The following TUBGCP3 variants were observed in gnomAD, a reference collection of about 807,000 sequenced individuals.
TUBGCP3 encodes tubulin gamma complex component 3.
Under a neutral mutation model 123.1 loss-of-function variants are expected in TUBGCP3, and 50 were observed. The observed-to-expected ratio is 0.41, with a 90% confidence interval of 0.32 to 0.51. The LOEUF (loss-of-function observed/expected upper bound fraction) is 0.51. Ranked by LOEUF, TUBGCP3 falls within the 20% of genes least tolerant of loss-of-function variation. The pLI is 0.36. For synonymous variants in TUBGCP3, 405 were observed against 413.9 expected (o/e 0.98, Z 0.26); for missense variants, 882 against 1,127.0 (o/e 0.78, Z 3.11).
At chr13:112,491,092 C>T (rs75922213) in intron 20 of TUBGCP3, among the ~76,000 whole-genome samples, 2,440 of 152,286 alleles carry the variant, frequency 0.016, 77 homozygotes, top group African/African-American at 0.055. Flanking sequence ...ACTCCTTGGC[C>T]CCCCAAAAGG....
chr13:112,512,840 A>T (rs1170854495), intron 17 of TUBGCP3, among the ~76,000 whole-genome samples: 4 of 152,204 alleles, frequency 2.6e-5, no homozygotes, highest in Non-Finnish European at 4.4e-5. Flanking sequence ...AAGCTGTCTA[A>T]ACATTAATTT....
At chr13:112,547,597 C>G in intron 10 of TUBGCP3, 23 bp downstream of exon 10, 1 of 1,465,772 alleles carries the variant, frequency 6.8e-7, no homozygotes, top group South Asian at 1.4e-5. Context: ...GAAAGACGTG[C>G]GTGGGAAAGA....
At chr13:112,510,432 C>T (rs1259744445) in intron 17 of TUBGCP3, among the ~76,000 whole-genome samples, 2 of 152,142 alleles carry the variant, frequency 1.3e-5, no homozygotes, top group Non-Finnish European at 2.9e-5. Context: ...TTAAAAGTGA[C>T]CTTATCAAAG....
intron 5 of TUBGCP3, among the ~76,000 whole-genome samples, chr13:112,557,824 T>A (rs1594197213): frequency 6.6e-6 from 1 of 152,300 alleles, no homozygotes; most frequent in East Asian, 1.9e-4. Context: ...AAGAATCCAA[T>A]GAGGAGAAAA....
At chr13:112,548,254 C>T (rs1281686716) in intron 8 of TUBGCP3, 78 bp from the exon 9 acceptor site, 4 of 1,162,900 alleles carry the variant, frequency 3.4e-6, no homozygotes, top group East Asian at 4.9e-5. Flanking sequence ...AGGTATAATG[C>T]GTTTAGATAA....
At chr13:112,523,042 G>A (rs916681543) in intron 13 of TUBGCP3, among the ~76,000 whole-genome samples, 10 of 152,166 alleles carry the variant, frequency 6.6e-5, no homozygotes, top group Non-Finnish European at 1.0e-4. Context: ...GTAACATAGC[G>A]GAAGAAAGCA....
rs1876145537 is a variant in TUBGCP3, at chr13:112,516,518, C to T, written c.2008G>A (p.Ala670Thr). The part of the protein sequence containing the change: ...YLRVFNFLWR[A>T]KRMEYILTDI... ...GTGAGGATGTATTCCATCCGCTTCG[C>T]CCTCCAGAGGAAGTTAAATACTCTT... The change falls in exon 17 of 22, where the codon GCG becomes ACG. Residue 670 changes from alanine (A) to threonine (T), a missense_variant. By Grantham distance (58) the Ala-to-Thr change is moderately conservative (BLOSUM62 0). Around this residue, in one of 3 missense-constraint regions of TUBGCP3, gnomAD observed 713 missense variants for 874.0 expected, o/e 0.82. Coordinates refer to ENST00000261965, the MANE Select transcript of TUBGCP3 (RefSeq NM_006322.6). 6.2e-7 allele frequency: 1 copy of T among 1,614,124 alleles called. No individual in the cohort carries two copies. The highest frequency in any genetic ancestry group is 8.5e-7 in the Non-Finnish European group (1 of 1,180,032).
chr13:112,558,083 G>T, intron 5 of TUBGCP3, 113 bp downstream of exon 5: 1 of 1,171,950 alleles, frequency 8.5e-7, no homozygotes, highest in Non-Finnish European at 1.2e-6. Context: ...ACACTGTCTG[G>T]CACGTATGAG....
chr13:112,487,045 C>T (rs1377877187), intron 21 of TUBGCP3, among the ~76,000 whole-genome samples: 1 of 137,560 alleles, frequency 7.3e-6, no homozygotes, highest in African/African-American at 2.8e-5. Flanking sequence ...AGCAGGCAAA[C>T]ACTGTGTATG....
chr13:112,560,377 C>A (rs59090786), intron 3 of TUBGCP3, among the ~76,000 whole-genome samples: 2,913 of 151,072 alleles, frequency 0.019, 101 homozygotes, highest in African/African-American at 0.067. Flanking sequence ...TTGCAGTGAG[C>A]CGAGATCCCG....
Position 112,527,502 on chromosome 13 carries a change from T to C in TUBGCP3, c.1336-18A>G. On this transcript the variant is annotated intron_variant, in intron 11 of 21. Coordinates refer to ENST00000261965, the MANE Select transcript of TUBGCP3 (RefSeq NM_006322.6). ...ACAAAAAACTGAAAGCAAAGGGGCA[T>C]GGAAATGTTCAAGAGTGATATTTAT... The C allele has an allele frequency of 3.2e-6, 5 of 1,560,672 alleles. No individual in the cohort carries two copies. Among genetic ancestry groups the C allele is most frequent in the Non-Finnish European group, 4.4e-6 (5 of 1,131,938 alleles).
At position 112,504,180 on chromosome 13, in the gene TUBGCP3, T is replaced by C. The variant is rs201106975; in HGVS notation, c.2176-17A>G. 21 of 1,614,032 alleles carry C rather than the reference T, an allele frequency of 1.3e-5. No individual in the cohort carries two copies. In the East Asian group the frequency reaches 4.5e-4, roughly 34 times the overall value. On this transcript the variant is annotated splice_polypyrimidine_tract_variant and intron_variant, in intron 18 of 21. Transcript: ENST00000261965. ...TTCAAGCACCTGGGAAACAACAATTTAAAGACGCTAGATAAGCTCATGTCC... is the reference window on the plus strand; with the variant it reads ...TTCAAGCACCTGGGAAACAACAATTCAAAGACGCTAGATAAGCTCATGTCC...
chr13:112,582,871 A>G (rs1882371120), intron 1 of TUBGCP3, among the ~76,000 whole-genome samples: 2 of 152,340 alleles, frequency 1.3e-5, no homozygotes, highest in Admixed American at 6.5e-5. Flanking sequence ...CTGCCTGACC[A>G]GAGAGCAGTG....
In TUBGCP3 at chr13:112,489,640, A is replaced by G; in HGVS notation, c.2506T>C (p.Phe836Leu). ...EEEENKRIGE[F>L]KESIPKMCSQ... is the part of the protein sequence containing the mutation. ...CACATTTTTGGTATAGATTCTTTAA[A>G]TTCTCCAATCCTCTTATTTTCCTCC... Residue 836 changes from phenylalanine to leucine, a missense_variant, in exon 21 of 22, where the codon TTT becomes CTT. Phe to Leu is a conservative substitution (Grantham distance 22). Around this residue, in one of 3 missense-constraint regions of TUBGCP3, gnomAD observed 160 missense variants for 220.3 expected, o/e 0.73. Coordinates refer to ENST00000261965, the MANE Select transcript of TUBGCP3 (RefSeq NM_006322.6). 2 of 1,614,162 alleles carry G rather than the reference A, an allele frequency of 1.2e-6. No homozygotes were observed. Among genetic ancestry groups the G allele is most frequent in the Non-Finnish European group, 1.7e-6 (2 of 1,180,036 alleles).
rs956205053 is a variant in TUBGCP3 at position 112,558,338 on chromosome 13, G to A, written c.406C>T (p.Pro136Ser). Residue 136 changes from proline to serine, a missense_variant, in exon 5 of 22, where the codon CCT becomes TCT. Around this residue, in one of 3 missense-constraint regions of TUBGCP3, gnomAD observed 713 missense variants for 874.0 expected, o/e 0.82. Coordinates refer to ENST00000261965, the MANE Select transcript of TUBGCP3 (RefSeq NM_006322.6). ...AHSTPYYYAR[P>S]QTLPLSYQDR... ...TGGTAGCTCAGGGGAAGGGTCTGAG[G>A]CCTGGCATAGTAGTAAGGGGTTGAG... 1.2e-6 allele frequency: 2 copies of A among 1,613,798 alleles called. No homozygotes were observed. Among genetic ancestry groups the A allele is most frequent in the Non-Finnish European group, 1.7e-6 (2 of 1,179,726 alleles).
At chr13:112,566,293 G>C (rs540651932) in intron 2 of TUBGCP3, among the ~76,000 whole-genome samples, 2 of 152,224 alleles carry the variant, frequency 1.3e-5, no homozygotes, top group East Asian at 1.9e-4. Context: ...ACTTTCAAAG[G>C]CTAACTTATA....
chr13:112,545,569 G>A lies in TUBGCP3; in HGVS notation c.1335+130C>T, dbSNP rs1462664847. ...TCGAGGCACTGTGTAAAATGTATAT[G>A]GTATTCAATGGAAGTGCAGTTGCAT... On this transcript the variant is annotated intron_variant, in intron 11 of 21. Coordinates refer to ENST00000261965, the MANE Select transcript of TUBGCP3 (RefSeq NM_006322.6). The surrounding 1 kb of genome is among the most constrained non-coding windows in gnomAD (Gnocchi z 4.1). 2.0e-6 allele frequency: 2 copies of A among 1,005,620 alleles called. No homozygotes were observed. The highest frequency in any genetic ancestry group is 3.0e-5 in the South Asian group (2 of 66,430). The allele number at this position is 1,005,620 out of a possible 1,614,324, so 62.3% of individuals were successfully genotyped here.
chr13:112,492,951 G>A (rs1434745766), intron 20 of TUBGCP3, among the ~76,000 whole-genome samples: 1 of 149,800 alleles, frequency 6.7e-6, no homozygotes, highest in Non-Finnish European at 1.5e-5. Flanking sequence ...AACGGGGCCT[G>A]GTGTGCCTGA....
chr13:112,565,395 A>G (rs1272932176), intron 2 of TUBGCP3, among the ~76,000 whole-genome samples: 1 of 152,208 alleles, frequency 6.6e-6, no homozygotes, highest in Non-Finnish European at 1.5e-5. Flanking sequence ...TTAGGCTGGG[A>G]TCAAAGAGTT....
Sources: gnomAD v4.1 joint callset for allele counts (sites outside exome capture counted in the v4.1 genomes callset) on GRCh38, gnomAD v4.1.1 for gene constraint, gnomAD v4.1.1 regional missense constraint, Gnocchi (gnomAD v3.1) non-coding constraint, MANE v1.5 for transcripts, NCBI Gene and HGNC (gene_info 2026-07-23, HGNC 2026-07-21) for gene names.